SPATA17: variants seen among roughly 807,000 people sequenced by gnomAD.
SPATA17 encodes spermatogenesis associated 17, also known as spermatogenesis-associated protein 17.
A neutral mutation model predicts 62.2 loss-of-function variants in SPATA17; 53 were observed. That is an observed-to-expected ratio of 0.85 (90% CI 0.68 to 1.07). The LOEUF is 1.07. Among genes scored for constraint, SPATA17 ranks in the 50% least tolerant of loss-of-function variants. SPATA17 has a pLI of 0.00. For missense variants in SPATA17, 466 were observed against 425.5 expected (o/e 1.10, Z -0.84); for synonymous variants, 146 against 146.8 (o/e 0.99, Z 0.04).
chr1:217,763,145 G>T (rs1673213887), intron 6 of SPATA17, among the ~76,000 whole-genome samples: 1 of 152,184 alleles, frequency 6.6e-6, no homozygotes, highest in Non-Finnish European at 1.5e-5. Flanking sequence ...CCAAGAAAAT[G>T]GACACAGTCC....
At chr1:217,662,111 G>T (rs924942209) in intron 3 of SPATA17, among the ~76,000 whole-genome samples, 1 of 152,014 alleles carries the variant, frequency 6.6e-6, no homozygotes, top group Non-Finnish European at 1.5e-5. Context: ...AAATTGGATG[G>T]CTTGTATACA....
chr1:217,737,241 G>A (rs1214349876), intron 5 of SPATA17, among the ~76,000 whole-genome samples: 1 of 152,064 alleles, frequency 6.6e-6, no homozygotes, highest in Non-Finnish European at 1.5e-5. Context: ...TGCCCCACAG[G>A]ACTATGAAAG....
At chr1:217,795,729 C>A (rs1009336250) in intron 8 of SPATA17, among the ~76,000 whole-genome samples, 1 of 152,136 alleles carries the variant, frequency 6.6e-6, no homozygotes, top group African/African-American at 2.4e-5. Context: ...CCCCTCATCT[C>A]ATCCCCAGAC....
At chr1:217,632,958 G>T (rs1449875509) in intron 1 of SPATA17, among the ~76,000 whole-genome samples, 2 of 152,158 alleles carry the variant, frequency 1.3e-5, no homozygotes, top group African/African-American at 4.8e-5. Flanking sequence ...AGCACTTTGG[G>T]AGGCAGAGGC....
chr1:217,820,185 G>C (rs114504744), intron 9 of SPATA17, among the ~76,000 whole-genome samples: 1 of 152,040 alleles, frequency 6.6e-6, no homozygotes, highest in Non-Finnish European at 1.5e-5. Context: ...GCCGGATATA[G>C]AATATGCAGG....
chr1:217,807,760 A>G (rs773766090), intron 9 of SPATA17, among the ~76,000 whole-genome samples: 13 of 152,330 alleles, frequency 8.5e-5, no homozygotes, highest in Admixed American at 2.0e-4. Flanking sequence ...AATATTTTTT[A>G]CCTCTTAAAT....
At chr1:217,858,671 T>G (rs1164175579) in intron 9 of SPATA17, among the ~76,000 whole-genome samples, 4 of 151,860 alleles carry the variant, frequency 2.6e-5, no homozygotes, top group African/African-American at 9.7e-5. Flanking sequence ...GAGGATCCCT[T>G]GAGCCCAGGA....
chr1:217,774,794 T>C (rs1209491586), intron 7 of SPATA17, among the ~76,000 whole-genome samples: 2 of 152,198 alleles, frequency 1.3e-5, no homozygotes, highest in African/African-American at 4.8e-5. Context: ...CACGATGTTC[T>C]TAAAGTTCAT....
At chr1:217,642,779 T>A (rs1291587061) in intron 1 of SPATA17, among the ~76,000 whole-genome samples, 2 of 152,212 alleles carry the variant, frequency 1.3e-5, no homozygotes, top group Non-Finnish European at 2.9e-5. Context: ...GTAAGTTTCC[T>A]GAGGGCTCCC....
chr1:217,695,847 C>T (rs1481907133), intron 5 of SPATA17, among the ~76,000 whole-genome samples: 6 of 113,072 alleles, frequency 5.3e-5, no homozygotes, highest in South Asian at 3.2e-4. Context: ...GCAGTCTGCC[C>T]GTTCTCAGAT....
chr1:217,834,128 G>A (rs532650965), intron 9 of SPATA17, among the ~76,000 whole-genome samples: 27 of 152,158 alleles, frequency 1.8e-4, no homozygotes, highest in African/African-American at 5.8e-4. Context: ...TAGAGATGTC[G>A]TGCCACATTG....
chr1:217,757,483 G>A (rs529068612), intron 6 of SPATA17, among the ~76,000 whole-genome samples: 1 of 152,280 alleles, frequency 6.6e-6, no homozygotes. Context: ...CAAGAGGTGC[G>A]GGGAAGGGGC....
At chr1:217,650,511 G>T (rs1670285358) in intron 2 of SPATA17, among the ~76,000 whole-genome samples, 1 of 151,952 alleles carries the variant, frequency 6.6e-6, no homozygotes, top group Non-Finnish European at 1.5e-5. Context: ...CTGCCTCCCT[G>T]GTTCAAGTGA....
At chr1:217,652,928 A>G (rs1670358341) in intron 3 of SPATA17, among the ~76,000 whole-genome samples, 1 of 152,140 alleles carries the variant, frequency 6.6e-6, no homozygotes, top group African/African-American at 2.4e-5. Context: ...ATTAAGTGAA[A>G]CACTGTACGT....
intron 8 of SPATA17, among the ~76,000 whole-genome samples, chr1:217,787,251 A>C (rs1453420556): frequency 1.3e-5 from 2 of 152,124 alleles, no homozygotes; most frequent in Admixed American, 1.3e-4. Flanking sequence ...ACTCTCACTC[A>C]GTGCATTTTA....
At chr1:217,671,937 G>T (rs1670839360) in intron 4 of SPATA17, among the ~76,000 whole-genome samples, 1 of 152,190 alleles carries the variant, frequency 6.6e-6, no homozygotes, top group Admixed American at 6.5e-5. Flanking sequence ...ATGTTCCTGA[G>T]TTGAGGAATC....
intron 6 of SPATA17, among the ~76,000 whole-genome samples, chr1:217,752,090 G>A (rs575525618): frequency 4.6e-5 from 7 of 152,138 alleles, no homozygotes; most frequent in Non-Finnish European, 8.8e-5. Context: ...TCAGGCTGGA[G>A]TGCAGTGGCG....
At chr1:217,694,339 G>T (rs370442411) in intron 5 of SPATA17, among the ~76,000 whole-genome samples, 15,973 of 118,114 alleles carry the variant, frequency 0.14, 863 homozygotes, top group African/African-American at 0.2. Context: ...GTTTTCCATT[G>T]GCTTGGTAGA....
At chr1:217,786,747 C>T (rs1205579506) in intron 8 of SPATA17, among the ~76,000 whole-genome samples, 1 of 149,052 alleles carries the variant, frequency 6.7e-6, no homozygotes, top group Non-Finnish European at 1.5e-5. Context: ...ATTTGATATT[C>T]TCTTTCTTCT....
Sources: allele counts gnomAD v4.1 joint callset (sites outside exome capture counted in the v4.1 genomes callset), GRCh38; gene constraint gnomAD v4.1.1; transcripts MANE v1.5; gene names NCBI Gene and HGNC (gene_info 2026-07-23, HGNC 2026-07-21).